The following ANO2 variants were observed in gnomAD, a reference collection of about 807,000 sequenced individuals.
The protein encoded by ANO2 is anoctamin-2.
A neutral mutation model predicts 124.2 loss-of-function variants in ANO2; 101 were observed. The observed-to-expected ratio is 0.81, with a 90% CI of 0.69 to 0.96. The LOEUF (loss-of-function observed/expected upper bound fraction) is 0.96. Among genes scored for constraint, ANO2 ranks in the 40% least tolerant of loss-of-function variants. The probability of loss-of-function intolerance (pLI) is 0.00; values close to 1 mark genes in which losing one functional copy is unlikely to be tolerated. For synonymous variants in ANO2, 486 were observed against 482.5 expected, an observed-to-expected ratio of 1.01 and a Z score of -0.09; for missense variants, 1,293 against 1,274.5, an observed-to-expected ratio of 1.01 and a Z score of -0.22.
intron 14 of ANO2, among the ~76,000 whole-genome samples, chr12:5,723,546 C>T (rs560734662): frequency 1.7e-5 from 2 of 119,924 alleles, no homozygotes; most frequent in African/African-American, 6.4e-5. Flanking sequence ...CAGGGAGTGA[C>T]TGGGGATGTG....
intron 10 of ANO2, among the ~76,000 whole-genome samples, chr12:5,780,693 T>C (rs934105205): frequency 5.9e-5 from 9 of 152,046 alleles, no homozygotes; most frequent in Non-Finnish European, 1.5e-5. Flanking sequence ...AGGAGGATCC[T>C]TCGCTTGTAA....
rs570337177 is a variant in ANO2 at position 5,773,495 on chromosome 12, G to A, written c.1056-22525C>T. Among the ~76,000 whole-genome samples, 22 of 152,274 alleles carry A rather than the reference G, an allele frequency of 1.4e-4. No homozygotes were observed. In the South Asian group the frequency reaches 4.1e-3, roughly 29 times the overall value. On this transcript the variant is annotated intron_variant, in intron 10 of 24. Transcript: ENST00000682330. ...GGATCTTAGATCAGAAGATTTATAT[G>A]AGTTAATTAAGTGCTTGAAACAGCA...
intron 15 of ANO2, among the ~76,000 whole-genome samples, chr12:5,642,520 T>C (rs961595208): frequency 1.3e-5 from 2 of 152,162 alleles, no homozygotes; most frequent in African/African-American, 4.8e-5. Context: ...CACTCTTCAA[T>C]CTCACCCTGC....
chr12:5,771,672 C>T (rs1186282924), intron 10 of ANO2, among the ~76,000 whole-genome samples: 3 of 151,880 alleles, frequency 2.0e-5, no homozygotes, highest in Admixed American at 6.6e-5. Context: ...CCCAGCTACT[C>T]GGGAGGCTGA....
chr12:5,828,734 A>T, intron 6 of ANO2, among the ~76,000 whole-genome samples: 1 of 152,212 alleles, frequency 6.6e-6, no homozygotes, highest in East Asian at 1.9e-4. Context: ...CAAAAGAATC[A>T]GGGAGGGACA....
At chr12:5,699,173 T>C (rs1591939940) in intron 14 of ANO2, among the ~76,000 whole-genome samples, 1 of 152,060 alleles carries the variant, frequency 6.6e-6, no homozygotes, top group East Asian at 1.9e-4. Flanking sequence ...AAGGAAAAAA[T>C]GTTAAGGACA....
chr12:5,643,982 C>CA (rs1196079537), intron 15 of ANO2, among the ~76,000 whole-genome samples: 2 of 152,164 alleles, frequency 1.3e-5, no homozygotes, highest in Non-Finnish European at 2.9e-5. Flanking sequence ...TTTGTCTTCT[C>CA]ACAGAGTTTA....
rs563289156 is a variant in ANO2, at chr12:5,888,614, G to A, written c.534+32426C>T. On this transcript the variant is annotated intron_variant, in intron 3 of 24. Transcript: ENST00000682330. ...CTCCCCACTAGATTAGCTAGACACA[G>A]AGTGTGGACACAAAAGTTCTCCACG... 2.0e-5 allele frequency among the ~76,000 whole-genome samples: 3 copies of A among 152,292 alleles called. No individual in the cohort carries two copies. The South Asian group carries it at 6.2e-4, about 32-fold the overall frequency.
chr12:5,659,454 C>T (rs1287886730), intron 14 of ANO2, among the ~76,000 whole-genome samples: 1 of 152,162 alleles, frequency 6.6e-6, no homozygotes, highest in African/African-American at 2.4e-5. Context: ...CTATGACTGA[C>T]CCTCGAAGCC....
At chr12:5,733,293 T>C (rs1278338406) in intron 13 of ANO2, 4 of 276,372 alleles carry the variant, frequency 1.4e-5, no homozygotes, top group South Asian at 4.8e-5. Context: ...CAAACCTGAG[T>C]TGTGAGTCAC....
chr12:5,674,642 A>G (rs1948152658), intron 14 of ANO2, among the ~76,000 whole-genome samples: 2 of 152,182 alleles, frequency 1.3e-5, no homozygotes, highest in Non-Finnish European at 2.9e-5. Context: ...AGAGCTCCTC[A>G]GGTGTCAGTT....
intron 20 of ANO2, among the ~76,000 whole-genome samples, chr12:5,595,371 T>TC (rs1056987994): frequency 4.0e-5 from 6 of 151,766 alleles, no homozygotes; most frequent in Non-Finnish European, 5.9e-5. Context: ...CTACTGTTTT[T>TC]TTTTCTTTTC....
intron 14 of ANO2, among the ~76,000 whole-genome samples, chr12:5,678,311 T>C (rs747273126): frequency 6.6e-6 from 1 of 152,134 alleles, no homozygotes; most frequent in Non-Finnish European, 1.5e-5. Flanking sequence ...TCATTTACAT[T>C]AGGAATTCTG....
intron 10 of ANO2, among the ~76,000 whole-genome samples, chr12:5,798,651 C>T (rs1180673686): frequency 6.6e-6 from 1 of 152,226 alleles, no homozygotes; most frequent in Non-Finnish European, 1.5e-5. Flanking sequence ...CAAATGAGCA[C>T]ATTCTACCAT....
At chr12:5,644,099 C>T (rs1946517007) in intron 15 of ANO2, among the ~76,000 whole-genome samples, 2 of 152,096 alleles carry the variant, frequency 1.3e-5, no homozygotes, top group Admixed American at 1.3e-4. Context: ...CTTCCCTACC[C>T]CAAGGTCATG....
intron 10 of ANO2, among the ~76,000 whole-genome samples, chr12:5,762,043 A>G (rs1431982402): frequency 6.6e-6 from 1 of 152,152 alleles, no homozygotes; most frequent in East Asian, 1.9e-4. Context: ...AATAGATGTA[A>G]GTAGAATAAA....
chr12:5,640,582 C>T (rs1232732329), intron 15 of ANO2, among the ~76,000 whole-genome samples: 3 of 152,178 alleles, frequency 2.0e-5, no homozygotes, highest in Non-Finnish European at 2.9e-5. Context: ...ACAGACACTT[C>T]TCAAAAGAAG....
In ANO2 at chr12:5,807,800, G is replaced by A. The variant is rs182972672; in HGVS notation, c.893-432C>T. ...CCTGCTGTTTCACAAGGCAGCGTTC[G>A]CTGTGACTGATCTGCCGCCTGGACC... On this transcript the variant is annotated intron_variant, in intron 7 of 24. Coordinates refer to ENST00000682330, the MANE Select transcript of ANO2 (RefSeq NM_001364791.2). Among the ~76,000 whole-genome samples, 182 of 152,334 alleles carry A rather than the reference G, an allele frequency of 1.2e-3. 2 individuals carry two copies. The highest frequency in any genetic ancestry group is 2.9e-4 in the Non-Finnish European group (20 of 68,036).
At chr12:5,637,644 G>T (rs4930773) in intron 15 of ANO2, among the ~76,000 whole-genome samples, 99,571 of 151,938 alleles carry the variant, frequency 0.66, 32,981 homozygotes, top group East Asian at 0.81. Flanking sequence ...AACCTGCATT[G>T]TAACAGAATT....
Sources: allele counts gnomAD v4.1 joint callset (sites outside exome capture counted in the v4.1 genomes callset), GRCh38; gene constraint gnomAD v4.1.1; transcripts MANE v1.5; gene names NCBI Gene and HGNC (gene_info 2026-07-23, HGNC 2026-07-21).